The following FABP12 variants were observed in gnomAD, a reference collection of about 807,000 sequenced individuals.
The protein encoded by FABP12 is fatty acid-binding protein 12.
A neutral mutation model predicts 13.7 loss-of-function variants in FABP12; 19 were observed. The ratio of observed to expected loss-of-function variants is 1.39; its 90% confidence interval spans 0.97 to 2.04. FABP12 has a LOEUF of 2.04. Among genes scored for constraint, FABP12 ranks in the 30% most tolerant of loss-of-function variants. The pLI, the probability that FABP12 is intolerant of heterozygous loss-of-function variation, is 0.00. For missense variants in FABP12, 182 were observed against 164.2 expected (o/e 1.11, Z -0.59); for synonymous variants, 61 against 57.0 (o/e 1.07, Z -0.32).
At chr8:81,557,566 A>C (rs1419746012) in intron 1 of FABP12, among the ~76,000 whole-genome samples, 1 of 152,214 alleles carries the variant, frequency 6.6e-6, no homozygotes, top group Non-Finnish European at 1.5e-5. Context: ...ACACCACAGC[A>C]CATTATTGTA....
In FABP12 at chr8:81,531,327, T is replaced by G. The variant is rs374675729; in HGVS notation, c.-12A>C. On this transcript the variant is annotated 5_prime_UTR_variant, in exon 2 of 5. Coordinates refer to ENST00000360464, the Ensembl canonical transcript of FABP12. ...AGCTGGTCAATCATTCTGTCTGAGA[T>G]AAGTTGATCTCAAAGAACAGTAGTT... 15 of 1,584,566 alleles carry G rather than the reference T, an allele frequency of 9.5e-6. No homozygotes were observed. In the African/African-American group the frequency reaches 2.0e-4, roughly 21 times the overall value.
intron 1 of FABP12, among the ~76,000 whole-genome samples, chr8:81,570,368 C>G (rs893953528): frequency 6.6e-6 from 1 of 152,170 alleles, no homozygotes; most frequent in Non-Finnish European, 1.5e-5. Context: ...GTCCGAAGTT[C>G]TTGTTCTGCT....
At chr8:81,539,593 A>G (rs1467042600) in intron 2 of FABP12, among the ~76,000 whole-genome samples, 3 of 152,168 alleles carry the variant, frequency 2.0e-5, no homozygotes, top group Non-Finnish European at 4.4e-5. Flanking sequence ...GATGCTGGTA[A>G]ACAGCATGCT....
At chr8:81,585,376 G>GA (rs1810226283) in intron 1 of FABP12, among the ~76,000 whole-genome samples, 1 of 152,056 alleles carries the variant, frequency 6.6e-6, no homozygotes, top group Non-Finnish European at 1.5e-5. Flanking sequence ...CACCTTCATT[G>GA]AAAATGAGTT....
intron 1 of FABP12, among the ~76,000 whole-genome samples, chr8:81,570,548 G>T (rs1019116446): frequency 6.6e-6 from 1 of 152,106 alleles, no homozygotes; most frequent in Non-Finnish European, 1.5e-5. Context: ...CTCTCAGCAG[G>T]CAGGTCGTCC....
chr8:81,549,491 C>A (rs546289659), intron 1 of FABP12, among the ~76,000 whole-genome samples: 1 of 152,252 alleles, frequency 6.6e-6, no homozygotes, highest in African/African-American at 2.4e-5. Context: ...TTGGTCAATC[C>A]CAGTTGTTCT....
chr8:81,579,565 G>C (rs1193991333), intron 1 of FABP12, among the ~76,000 whole-genome samples: 1 of 152,052 alleles, frequency 6.6e-6, no homozygotes, highest in Non-Finnish European at 1.5e-5. Context: ...ATTAATTCTT[G>C]ATTACTCTTT....
At chr8:81,572,761 T>C (rs183904985) in intron 1 of FABP12, among the ~76,000 whole-genome samples, 72 of 152,360 alleles carry the variant, frequency 4.7e-4, no homozygotes, top group African/African-American at 1.7e-3. Flanking sequence ...TTTTGAGGAT[T>C]ATCTATTCAT....
intron 1 of FABP12, among the ~76,000 whole-genome samples, chr8:81,588,046 T>C (rs1810268411): frequency 6.6e-6 from 1 of 152,160 alleles, no homozygotes; most frequent in Non-Finnish European, 1.5e-5. Context: ...TTTTTCCACG[T>C]TCCTCTGCCT....
At chr8:81,550,148 C>T (rs756861331) in intron 1 of FABP12, among the ~76,000 whole-genome samples, 1 of 152,164 alleles carries the variant, frequency 6.6e-6, no homozygotes, top group Non-Finnish European at 1.5e-5. Flanking sequence ...TCCTATTCAG[C>T]ATTTATTAAA....
intron 4 of FABP12, among the ~76,000 whole-genome samples, chr8:81,525,555 T>TGATA (rs571165240): frequency 0.013 from 1,978 of 148,400 alleles, 33 homozygotes; most frequent in African/African-American, 0.038. Flanking sequence ...GATAGATAGA[T>TGATA]GATAGATAGA....
At chr8:81,552,992 G>T (rs967660234) in intron 1 of FABP12, among the ~76,000 whole-genome samples, 2 of 152,182 alleles carry the variant, frequency 1.3e-5, no homozygotes, top group African/African-American at 4.8e-5. Context: ...GAACTCAGGA[G>T]AAAGTTCGGG....
intron 1 of FABP12, among the ~76,000 whole-genome samples, chr8:81,556,710 C>A (rs1809622461): frequency 6.8e-6 from 1 of 147,102 alleles, no homozygotes; most frequent in Non-Finnish European, 1.5e-5. Flanking sequence ...GGCTATCAAA[C>A]CTTATTTATA....
intron 1 of FABP12, among the ~76,000 whole-genome samples, chr8:81,557,648 T>G (rs1019902351): frequency 2.6e-5 from 4 of 152,212 alleles, no homozygotes; most frequent in Non-Finnish European, 5.9e-5. Flanking sequence ...AATCTTTAAG[T>G]GTTTTCTGAA....
intron 4 of FABP12, among the ~76,000 whole-genome samples, chr8:81,525,421 C>T (rs557270863): frequency 6.6e-6 from 1 of 151,518 alleles, no homozygotes; most frequent in East Asian, 2.0e-4. Context: ...AAGGCTGAGG[C>T]AGGAGAATCA....
At chr8:81,589,671 G>A (rs894515568) in intron 1 of FABP12, among the ~76,000 whole-genome samples, 6 of 152,234 alleles carry the variant, frequency 3.9e-5, no homozygotes, top group Non-Finnish European at 7.4e-5. Context: ...AACTTATGAA[G>A]ATTCTTTTGG....
At chr8:81,588,048 C>T (rs1810268456) in intron 1 of FABP12, among the ~76,000 whole-genome samples, 1 of 152,196 alleles carries the variant, frequency 6.6e-6, no homozygotes, top group Non-Finnish European at 1.5e-5. Flanking sequence ...TTTCCACGTT[C>T]CTCTGCCTGC....
chr8:81,525,051 A>T (rs190435213), exon 5 of FABP12: 2 of 1,593,232 alleles, frequency 1.3e-6, no homozygotes, highest in Admixed American at 1.7e-5. Flanking sequence ...AAGCCTTAAG[A>T]GTTTGAGACT....
chr8:81,559,553 G>A (rs903161332), intron 1 of FABP12, among the ~76,000 whole-genome samples: 5 of 152,064 alleles, frequency 3.3e-5, no homozygotes, highest in Non-Finnish European at 5.9e-5. Flanking sequence ...GCCTTGCCAC[G>A]TAGCTTCTTT....
Sources: gnomAD v4.1 joint callset for allele counts (sites outside exome capture counted in the v4.1 genomes callset) on GRCh38, gnomAD v4.1.1 for gene constraint, MANE v1.5 for transcripts, NCBI Gene and HGNC (gene_info 2026-07-23, HGNC 2026-07-21) for gene names.